SERPINA11: variants seen among roughly 807,000 people sequenced by gnomAD.
SERPINA11 encodes the protein serpin A11.
A neutral mutation model predicts 29.4 loss-of-function variants in SERPINA11; 28 were observed. The observed-to-expected ratio is 0.95, with a 90% CI of 0.70 to 1.30. The LOEUF (loss-of-function observed/expected upper bound fraction) is 1.30. Among genes scored for constraint, SERPINA11 ranks in the 50% most tolerant of loss-of-function variants. SERPINA11 has a pLI of 0.00. For synonymous variants in SERPINA11, 253 were observed against 206.6 expected, an observed-to-expected ratio of 1.22 and a Z score of -1.92; for missense variants, 530 against 507.3, an observed-to-expected ratio of 1.04 and a Z score of -0.43.
At chr14:94,450,797 G>A (rs1898572389) in intron 1 of SERPINA11, among the ~76,000 whole-genome samples, 1 of 152,152 alleles carries the variant, frequency 6.6e-6, no homozygotes, top group African/African-American at 2.4e-5. Flanking sequence ...GCCTGAGCTG[G>A]AGGGGGAACT....
intron 2 of SERPINA11, among the ~76,000 whole-genome samples, chr14:94,447,425 C>A (rs903044372): frequency 3.3e-5 from 5 of 152,176 alleles, no homozygotes; most frequent in African/African-American, 1.2e-4. Flanking sequence ...TATTCAAGGC[C>A]ACCGTGCTAC....
rs530721801 is a variant in SERPINA11, at chr14:94,447,013, G to A, written c.644-409C>T. On this transcript the variant is annotated intron_variant, in intron 2 of 4. Coordinates refer to ENST00000334708, the MANE Select transcript of SERPINA11 (RefSeq NM_001080451.2). ...ACTAATTTGCAGAGCTGGGATGACT[G>A]ACTGAGCAGCTCAGATTGCTTGCAA... Among the ~76,000 whole-genome samples, 4 of 152,332 alleles carry A rather than the reference G, an allele frequency of 2.6e-5. No homozygotes were observed. In the South Asian group the frequency reaches 8.3e-4, roughly 32 times the overall value.
chr14:94,447,947 C>T (rs976359218), intron 2 of SERPINA11, among the ~76,000 whole-genome samples, 185 bp downstream of exon 2: 1 of 152,216 alleles, frequency 6.6e-6, no homozygotes, highest in Non-Finnish European at 1.5e-5. Context: ...CATCACCATC[C>T]CACTGAGTTA....
chr14:94,448,760 C>A lies in SERPINA11; in HGVS notation c.15G>T (p.Trp5Cys). The change falls in exon 2 of 5, where the codon TGG becomes TGT. Residue 5 changes from tryptophan (W) to cysteine (C), a missense_variant. By Grantham distance (215) the Trp-to-Cys change is radical. Transcript: ENST00000334708. Reference sequence around the variant, plus strand: ...GGATCCCTGTTCCCAGTAGCCAAAGCCAAGCTGGACCCATTCTCTGAAAAC... The same window carrying A: ...GGATCCCTGTTCCCAGTAGCCAAAGACAAGCTGGACCCATTCTCTGAAAAC... MGPA[W>C]LWLLGTGILA... 2 of 1,510,022 alleles carry A rather than the reference C, an allele frequency of 1.3e-6. No homozygotes were observed. The highest frequency in any genetic ancestry group is 1.8e-6 in the Non-Finnish European group (2 of 1,130,300). The allele number at this position is 1,510,022 out of a possible 1,614,324, so 93.5% of individuals were successfully genotyped here.
At chr14:94,444,977 C>A (rs539896088) in intron 3 of SERPINA11, among the ~76,000 whole-genome samples, 1 of 152,240 alleles carries the variant, frequency 6.6e-6, no homozygotes, top group Non-Finnish European at 1.5e-5. Flanking sequence ...AGACTGGTAG[C>A]TTTCATTTCC....
In SERPINA11 at chr14:94,442,549, C is replaced by A; in HGVS notation, c.*57G>T. Reference sequence around the variant, plus strand: ...AGCAGCCCCAGGATGCAGGCTGGTTCTGGCCTATCTGTTTGGTCCAGGATG... The same window carrying A: ...AGCAGCCCCAGGATGCAGGCTGGTTATGGCCTATCTGTTTGGTCCAGGATG... On this transcript the variant is annotated 3_prime_UTR_variant, in exon 5 of 5. Coordinates refer to ENST00000334708, the MANE Select transcript of SERPINA11 (RefSeq NM_001080451.2). 1 of 1,317,056 alleles carries A rather than the reference C, an allele frequency of 7.6e-7. No individual in the cohort carries two copies. The allele number at this position is 1,317,056 out of a possible 1,614,324, so 81.6% of individuals were successfully genotyped here.
chr14:94,448,189 G>A lies in SERPINA11; in HGVS notation c.586C>T (p.Leu196Phe), dbSNP rs116380145. The change falls in exon 2 of 5, where the codon CTC becomes TTC. Residue 196 changes from leucine (L) to phenylalanine (F), a missense_variant. Leu to Phe is a conservative substitution (Grantham distance 22). Coordinates refer to ENST00000334708, the MANE Select transcript of SERPINA11 (RefSeq NM_001080451.2). ...RQTYGQVVDC[L>F]PEFSQDTFMV... Reference sequence around the variant, plus strand: ...AACGTGTCCTGGCTGAACTCCGGGAGGCAGTCCACGACTTGCCCGTATGTT... The same window carrying A: ...AACGTGTCCTGGCTGAACTCCGGGAAGCAGTCCACGACTTGCCCGTATGTT... The A allele has an allele frequency of 6.2e-7, 1 of 1,614,228 alleles. No individual in the cohort carries two copies. Among genetic ancestry groups the A allele is most frequent in the African/African-American group, 1.3e-5 (1 of 75,064 alleles).
At chr14:94,450,475 G>A (rs1205831239) in intron 1 of SERPINA11, among the ~76,000 whole-genome samples, 5 of 152,260 alleles carry the variant, frequency 3.3e-5, no homozygotes, top group African/African-American at 9.6e-5. Context: ...GCGAAAGATG[G>A]CCAGCAAACT....
At position 94,448,647 on chromosome 14, in the gene SERPINA11, G is replaced by T. The variant is rs2139778276; in HGVS notation, c.128C>A (p.Pro43Gln). ...PQPPRHQLSEPAPAYHRITPT... is the reference protein window; with the variant it reads ...PQPPRHQLSEQAPAYHRITPT... ...TGTGATTCTGTGGTAGGCGGGGGCTGGCTCTGAGAGCTGATGCCTGGGGGG... is the reference window on the plus strand; with the variant it reads ...TGTGATTCTGTGGTAGGCGGGGGCTTGCTCTGAGAGCTGATGCCTGGGGGG... Residue 43 changes from proline to glutamine, a missense_variant, in exon 2 of 5, where the codon CCA becomes CAA. Coordinates refer to ENST00000334708, the MANE Select transcript of SERPINA11 (RefSeq NM_001080451.2). 1.9e-6 allele frequency: 3 copies of T among 1,599,042 alleles called. No homozygotes were observed. The highest frequency in any genetic ancestry group is 2.7e-5 in the African/African-American group (2 of 74,616).
rs760509210 is a variant in SERPINA11 at position 94,442,581 on chromosome 14, G to A, written c.*25C>T. 3 of 1,561,746 alleles carry A rather than the reference G, an allele frequency of 1.9e-6. No individual in the cohort carries two copies. Among genetic ancestry groups the A allele is most frequent in the African/African-American group, 1.4e-5 (1 of 73,746 alleles). On this transcript the variant is annotated 3_prime_UTR_variant, in exon 5 of 5. Coordinates refer to ENST00000334708, the MANE Select transcript of SERPINA11 (RefSeq NM_001080451.2). ...ATCTGTTTGGTCCAGGATGAGATAAGATAACTCCTGGCCTCCCACCATGGT... is the reference window on the plus strand; with the variant it reads ...ATCTGTTTGGTCCAGGATGAGATAAAATAACTCCTGGCCTCCCACCATGGT...
chr14:94,447,974 C>T (rs1406829135), intron 2 of SERPINA11, among the ~76,000 whole-genome samples, 158 bp downstream of exon 2: 1 of 152,234 alleles, frequency 6.6e-6, no homozygotes, highest in African/African-American at 2.4e-5. Context: ...GCACTTATTT[C>T]CAACCCACAT....
At chr14:94,448,989 TAG>T (rs1300971643) in intron 1 of SERPINA11, among the ~76,000 whole-genome samples, 1 of 152,168 alleles carries the variant, frequency 6.6e-6, no homozygotes, top group East Asian at 1.9e-4. Context: ...TTACATATAG[TAG>T]GTTTCTAACA....
chr14:94,448,428 T>G lies in SERPINA11; in HGVS notation c.347A>C (p.His116Pro). 1 of 1,614,120 alleles carries G rather than the reference T, an allele frequency of 6.2e-7. No individual in the cohort carries two copies. The highest frequency in any genetic ancestry group is 8.5e-7 in the Non-Finnish European group (1 of 1,180,020). ...NLTETPEADI[H>P]QGFRSLLHTL... ...GTGGAGGAGGCTCCGGAAGCCCTGG[T>G]GGATGTCGGCTTCAGGGGTTTCTGT... The change falls in exon 2 of 5, where the codon CAC (histidine) becomes CCC (proline). Residue 116 changes from histidine (H) to proline (P), a missense_variant. Transcript: ENST00000334708.
chr14:94,444,408 T>A (rs1413448210), intron 3 of SERPINA11, among the ~76,000 whole-genome samples: 1 of 152,134 alleles, frequency 6.6e-6, no homozygotes, highest in Admixed American at 6.5e-5. Context: ...ACAAGGAATA[T>A]CTGAGATTTA....
intron 1 of SERPINA11, among the ~76,000 whole-genome samples, chr14:94,449,529 TTC>T (rs1295253206): frequency 2.0e-5 from 2 of 100,290 alleles, no homozygotes; most frequent in African/African-American, 3.7e-5. Flanking sequence ...TTCTTTCTTT[TTC>T]TTTCTTTCTT....
intron 2 of SERPINA11, 45 bp from the exon 3 acceptor site, chr14:94,446,649 G>C (rs1416280405): frequency 9.0e-6 from 14 of 1,563,198 alleles, no homozygotes; most frequent in African/African-American, 1.4e-5. Context: ...CTTTTCAAGA[G>C]AGCAACTCTG....
rs772893022 is a variant in SERPINA11, at chr14:94,443,152, C to A, written c.991G>T (p.Gly331Cys). The A allele has an allele frequency of 1.2e-6, 2 of 1,613,958 alleles. No homozygotes were observed. The highest frequency in any genetic ancestry group is 1.1e-5 in the South Asian group (1 of 91,044). The change falls in exon 4 of 5, where the codon GGT becomes TGT. Residue 331 changes from glycine to cysteine, a missense_variant. Coordinates refer to ENST00000334708, the MANE Select transcript of SERPINA11 (RefSeq NM_001080451.2). The stretch of plus-strand genomic sequence containing the variant: ...TCTAAGTTGAGTATGTTGGTGAGAC[C>A]AATTTGGGGAAGTATGTCTTCCAGG... ...YNLEDILPQI[G>C]LTNILNLEAD... is the part of the protein sequence containing the mutation.
At chr14:94,443,593 C>A (rs1485995207) in intron 3 of SERPINA11, among the ~76,000 whole-genome samples, 2 of 152,350 alleles carry the variant, frequency 1.3e-5, no homozygotes, top group Admixed American at 6.5e-5. Flanking sequence ...TCAACATCTT[C>A]CCACTTCCGT....
intron 1 of SERPINA11, among the ~76,000 whole-genome samples, chr14:94,449,499 TTCTC>T (rs1176378355): frequency 1.9e-5 from 2 of 103,552 alleles, no homozygotes; most frequent in African/African-American, 5.7e-5. Flanking sequence ...CTGTCTTTCT[TTCTC>T]TTTCTTTTTC....
Sources: gnomAD v4.1 joint callset for allele counts (sites outside exome capture counted in the v4.1 genomes callset) on GRCh38, gnomAD v4.1.1 for gene constraint, MANE v1.5 for transcripts, NCBI Gene and HGNC (gene_info 2026-07-23, HGNC 2026-07-21) for gene names.